SPRR2G: variants seen among roughly 807,000 people sequenced by gnomAD.
The protein encoded by SPRR2G is small proline-rich protein 2G.
Under a neutral mutation model 0.7 loss-of-function variants are expected in SPRR2G, and 1 was observed. The ratio of observed to expected loss-of-function variants is 1.49; its 90% CI spans 0.53 to 7.06. SPRR2G has a LOEUF of 7.06. SPRR2G is among the 30% of genes most tolerant of loss of function. SPRR2G has a pLI of 0.14. For missense variants in SPRR2G, 96 were observed against 88.5 expected, an observed-to-expected ratio of 1.09 and a Z score of -0.34; for synonymous variants, 38 against 33.9, an observed-to-expected ratio of 1.12 and a Z score of -0.42.
chr1:153,150,077 A>T lies in SPRR2G; in HGVS notation c.34T>A (p.Cys12Ser). 4 of 1,612,926 alleles carry T rather than the reference A, an allele frequency of 2.5e-6. No individual in the cohort carries two copies. The highest frequency in any genetic ancestry group is 3.4e-6 in the Non-Finnish European group (4 of 1,179,860). Residue 12 changes from cysteine (C) to serine (S), a missense_variant, in exon 2 of 2, where the codon TGC (cysteine) becomes AGC (serine). Coordinates refer to ENST00000368748, the MANE Select transcript of SPRR2G (RefSeq NM_001014291.4). The stretch of plus-strand genomic sequence containing the variant: ...GTGGGGCACACAGGAGGTGGCTGGC[A>T]GGGCTGCTTGCACTGCTGCTGCTGG... ...SYQQQQCKQPCQPPPVCPTPK... is the reference protein window; with the variant it reads ...SYQQQQCKQPSQPPPVCPTPK...
chr1:153,196,542 C>T, the SPRR2G span, among the ~76,000 whole-genome samples: 1 of 152,166 alleles, frequency 6.6e-6, no homozygotes, highest in Non-Finnish European at 1.5e-5. Context: ...TGTTCCAGCC[C>T]ATGCTGCCTC....
In SPRR2G at chr1:153,150,079, G is replaced by T. The variant is rs776816347; in HGVS notation, c.32C>A (p.Pro11His). 12 of 1,612,708 alleles carry T rather than the reference G, an allele frequency of 7.4e-6. No homozygotes were observed. The South Asian group carries it at 1.2e-4, about 16-fold the overall frequency. The change falls in exon 2 of 2, where the codon CCC (proline) becomes CAC (histidine). Residue 11 changes from proline (P) to histidine (H), a missense_variant. Physicochemically the swap from Pro to His is moderately conservative, Grantham distance 77. Coordinates refer to ENST00000368748, the MANE Select transcript of SPRR2G (RefSeq NM_001014291.4). ...GGGGCACACAGGAGGTGGCTGGCAG[G>T]GCTGCTTGCACTGCTGCTGCTGGTA... MSYQQQQCKQ[P>H]CQPPPVCPTP...
chr1:153,194,132 A>G, the SPRR2G span, among the ~76,000 whole-genome samples: 2 of 152,144 alleles, frequency 1.3e-5, no homozygotes, highest in African/African-American at 4.8e-5. Context: ...CTGATGTTCA[A>G]TTCTGATTCA....
chr1:153,198,073 A>G, the SPRR2G span, among the ~76,000 whole-genome samples: 85 of 152,320 alleles, frequency 5.6e-4, no homozygotes, highest in African/African-American at 2.0e-3. Context: ...TAAGGCAACT[A>G]ACTGCCTGGG....
At chr1:153,160,043 C>CT in the SPRR2G span, among the ~76,000 whole-genome samples, 1 of 152,332 alleles carries the variant, frequency 6.6e-6, no homozygotes, top group South Asian at 2.1e-4. Context: ...TTTATACCCA[C>CT]TGAAAAACAA....
At chr1:153,186,553 T>C in the SPRR2G span, among the ~76,000 whole-genome samples, 1 of 151,580 alleles carries the variant, frequency 6.6e-6, no homozygotes, top group Non-Finnish European at 1.5e-5. Flanking sequence ...TCTTTTTTTT[T>C]CTATTTGCTA....
chr1:153,151,126 TTGTC>T (rs1225034700), upstream of SPRR2G, among the ~76,000 whole-genome samples: 7 of 152,216 alleles, frequency 4.6e-5, no homozygotes, highest in Non-Finnish European at 1.0e-4. Flanking sequence ...ACGTGACAAA[TTGTC>T]TGACAATTGT....
the SPRR2G span, among the ~76,000 whole-genome samples, chr1:153,188,316 C>A: frequency 1.7e-4 from 26 of 152,166 alleles, no homozygotes; most frequent in Admixed American, 1.6e-3. Flanking sequence ...GCCACCCCTT[C>A]CCCCAGGTGC....
chr1:153,160,912 T>G, the SPRR2G span, among the ~76,000 whole-genome samples: 1 of 151,328 alleles, frequency 6.6e-6, no homozygotes, highest in Non-Finnish European at 1.5e-5. Context: ...TATGCAGCCA[T>G]AAAAAATGAT....
At chr1:153,153,016 T>C (rs531859478), upstream of SPRR2G, among the ~76,000 whole-genome samples, 1 of 152,304 alleles carries the variant, frequency 6.6e-6, no homozygotes, top group African/African-American at 2.4e-5. Flanking sequence ...GATCCTCATT[T>C]TTCACAAATA....
chr1:153,188,052 T>G, the SPRR2G span, among the ~76,000 whole-genome samples: 6 of 152,184 alleles, frequency 3.9e-5, no homozygotes, highest in Non-Finnish European at 7.3e-5. Context: ...ACAGCAAAGA[T>G]TGCTGCCTAC....
At chr1:153,173,252 C>T in the SPRR2G span, among the ~76,000 whole-genome samples, 2 of 152,208 alleles carry the variant, frequency 1.3e-5, no homozygotes, top group Non-Finnish European at 2.9e-5. Flanking sequence ...TGGGACAGAA[C>T]ATGGCTAACA....
At chr1:153,196,348 T>A in the SPRR2G span, among the ~76,000 whole-genome samples, 1 of 152,256 alleles carries the variant, frequency 6.6e-6, no homozygotes, top group African/African-American at 2.4e-5. Context: ...TTTCACTGCA[T>A]AATGTCCTCA....
upstream of SPRR2G, among the ~76,000 whole-genome samples, chr1:153,152,465 G>A (rs1466185911): frequency 6.6e-6 from 1 of 152,144 alleles, no homozygotes; most frequent in East Asian, 1.9e-4. Context: ...GGTTGGTACA[G>A]TAGAGAAACA....
At chr1:153,200,575 G>A in the SPRR2G span, among the ~76,000 whole-genome samples, 5 of 152,150 alleles carry the variant, frequency 3.3e-5, no homozygotes, top group East Asian at 5.8e-4. Context: ...ATGAGCAATC[G>A]ACATAAGTTA....
chr1:153,152,711 C>T (rs1308879361), upstream of SPRR2G, among the ~76,000 whole-genome samples: 1 of 152,240 alleles, frequency 6.6e-6, no homozygotes, highest in Non-Finnish European at 1.5e-5. Context: ...ACTTTCACAG[C>T]GTTCTTTCTC....
chr1:153,161,812 C>T, the SPRR2G span, among the ~76,000 whole-genome samples: 2 of 152,076 alleles, frequency 1.3e-5, no homozygotes, highest in African/African-American at 2.4e-5. Context: ...AGAAATATAA[C>T]CTCAGGTAAT....
At chr1:153,176,578 G>T in the SPRR2G span, 1 of 152,082 alleles carries the variant, frequency 6.6e-6, no homozygotes, top group South Asian at 2.1e-4. Flanking sequence ...AGCTGTACAG[G>T]TACCAACAAC....
the SPRR2G span, among the ~76,000 whole-genome samples, chr1:153,185,478 T>G: frequency 1.3e-5 from 2 of 152,164 alleles, no homozygotes; most frequent in African/African-American, 2.4e-5. Context: ...CATCCATTTC[T>G]CCTATATTTT....
Sources: gnomAD v4.1 joint callset for allele counts (sites outside exome capture counted in the v4.1 genomes callset) on GRCh38, gnomAD v4.1.1 for gene constraint, MANE v1.5 for transcripts, NCBI Gene and HGNC (gene_info 2026-07-23, HGNC 2026-07-21) for gene names.